TENT5B: variants seen among roughly 807,000 people sequenced by gnomAD.
TENT5B encodes family with sequence similarity 46 member B.
TENT5B carries 12 observed loss-of-function variants against 21.7 expected under a neutral mutation model. The ratio of observed to expected loss-of-function variants is 0.55; its 90% CI spans 0.36 to 0.90. The LOEUF (loss-of-function observed/expected upper bound fraction) is 0.90, where lower values mean the gene tolerates loss of function less well. TENT5B is among the 40% of genes least tolerant of loss of function. The pLI, the probability that TENT5B is intolerant of heterozygous loss-of-function variation, is 0.01. For missense variants in TENT5B, 540 were observed against 601.5 expected, an observed-to-expected ratio of 0.90 and a Z score of 1.07; for synonymous variants, 262 against 266.6, an observed-to-expected ratio of 0.98 and a Z score of 0.17.
chr1:27,006,019 G>T lies in TENT5B; in HGVS notation c.1203C>A (p.Ala401=). The T allele has an allele frequency of 6.2e-7, 1 of 1,609,532 alleles. No homozygotes were observed. The highest frequency in any genetic ancestry group is 8.5e-7 in the Non-Finnish European group (1 of 1,177,332). Residue 401 remains alanine (A), a synonymous_variant, in exon 2 of 2, where the codon GCC becomes GCA. Transcript: ENST00000289166. This position sits in a 1 kb window ranked among gnomAD's most constrained non-coding sequence, Gnocchi z 9.4. ...CGGGGGTCACGTAGTAATTGACAGT[G>T]GCTGGCACAACCCCGTCAGTGCCTG... ...RPPGTDGVVP[A]TVNYYVTPVQ...
At chr1:27,010,531 G>A (rs1557703936) in intron 1 of TENT5B, among the ~76,000 whole-genome samples, 2 of 152,106 alleles carry the variant, frequency 1.3e-5, no homozygotes, top group Admixed American at 6.5e-5. Flanking sequence ...CCAGGTGAAG[G>A]CACCTGTCCC....
chr1:27,008,229 C>T (rs193168163), intron 1 of TENT5B, among the ~76,000 whole-genome samples: 3 of 152,182 alleles, frequency 2.0e-5, no homozygotes, highest in Admixed American at 2.0e-4. Context: ...CAAAGTTGTC[C>T]TGAAAGTGAC....
chr1:27,012,681 C>T lies in TENT5B; in HGVS notation c.-11G>A. The T allele has an allele frequency of 6.9e-7, 1 of 1,455,134 alleles. No individual in the cohort carries two copies. Among genetic ancestry groups the T allele is most frequent in the Admixed American group, 3.2e-5 (1 of 31,200 alleles). The allele number at this position is 1,455,134 out of a possible 1,614,324, so 90.1% of individuals were successfully genotyped here. On this transcript the variant is annotated 5_prime_UTR_variant, in exon 1 of 2. Coordinates refer to ENST00000289166, the MANE Select transcript of TENT5B (RefSeq NM_052943.4). ...CTCCGACGGCATCATCCGCCCGGCC[C>T]CCGGGCCCCGACGGCAGAAACCGTG...
intron 1 of TENT5B, 117 bp from the exon 2 acceptor site, chr1:27,007,074 G>T: frequency 5.4e-6 from 2 of 367,836 alleles, no homozygotes; most frequent in Non-Finnish European, 3.6e-6. Flanking sequence ...CAGCTGTTAT[G>T]CCTTTGGAAA....
At position 27,012,703 on chromosome 1, in the gene TENT5B, C is replaced by G; in HGVS notation, c.-33G>C. ...GCCCCCGGGCCCCGACGGCAGAAACCGTGGGGGTGGTTAAGGGGAGGAGGA... is the reference window on the plus strand; with the variant it reads ...GCCCCCGGGCCCCGACGGCAGAAACGGTGGGGGTGGTTAAGGGGAGGAGGA... On this transcript the variant is annotated 5_prime_UTR_variant, in exon 1 of 2. Coordinates refer to ENST00000289166, the MANE Select transcript of TENT5B (RefSeq NM_052943.4). The G allele has an allele frequency of 7.0e-7, 1 of 1,427,944 alleles. No individual in the cohort carries two copies. The highest frequency in any genetic ancestry group is 9.1e-7 in the Non-Finnish European group (1 of 1,103,200). The allele number at this position is 1,427,944 out of a possible 1,614,324, so 88.5% of individuals were successfully genotyped here. A position where few individuals can be genotyped will look rare whatever the true frequency, so the allele number is the denominator to read the frequency against.
intron 1 of TENT5B, among the ~76,000 whole-genome samples, chr1:27,007,394 C>CTTT (rs978067044): frequency 7.1e-6 from 1 of 140,476 alleles, no homozygotes; most frequent in Non-Finnish European, 1.6e-5. Flanking sequence ...GAGTCCAAGT[C>CTTT]TTTTTTTTTT....
At chr1:27,010,781 C>T (rs980000740) in intron 1 of TENT5B, among the ~76,000 whole-genome samples, 8 of 152,204 alleles carry the variant, frequency 5.3e-5, no homozygotes, top group Non-Finnish European at 1.0e-4. Context: ...CATGGCACCA[C>T]CATTGCATTG....
At position 27,005,274 on chromosome 1, in the gene TENT5B, G is replaced by T. The variant is rs74958392; in HGVS notation, c.*670C>A. On this transcript the variant is annotated 3_prime_UTR_variant, in exon 2 of 2. Transcript: ENST00000289166. ...TGGCACCCTGGAAGGGGCCTGGGCT[G>T]CGACCCACCCTGGGCTGCTTGGCTC... 8,920 of 152,698 alleles carry T rather than the reference G, an allele frequency of 0.058. 270 individuals carry two copies. The highest frequency in any genetic ancestry group is 0.063 in the Non-Finnish European group (4,270 of 68,210). The allele number at this position is 152,698 out of a possible 1,614,324, so 9.5% of individuals were successfully genotyped here.
At position 27,006,411 on chromosome 1, in the gene TENT5B, G is replaced by A. The variant is rs777163251; in HGVS notation, c.811C>T (p.Pro271Ser). ...AGGCCACCACCTCGGATCTCCTCGG[G>A]ACTGCGCGTGGCGATGACACGGTGC... is the stretch of plus-strand genomic sequence containing the variant. ...LRHRVIATRS[P>S]EEIRGGGLLK... The change falls in exon 2 of 2, where the codon CCC (proline) becomes TCC (serine). Residue 271 changes from proline (P) to serine (S), a missense_variant. Physicochemically the swap from Pro to Ser is moderately conservative, Grantham distance 74. Transcript: ENST00000289166. This position sits in a 1 kb window ranked among gnomAD's most constrained non-coding sequence, Gnocchi z 9.4. The A allele has an allele frequency of 6.2e-7, 1 of 1,613,430 alleles. No homozygotes were observed. Among genetic ancestry groups the A allele is most frequent in the Non-Finnish European group, 8.5e-7 (1 of 1,179,878 alleles).
chr1:27,006,274 C>A lies in TENT5B; in HGVS notation c.948G>T (p.Leu316=), dbSNP rs1445659177. 1 of 1,612,664 alleles carries A rather than the reference C, an allele frequency of 6.2e-7. No homozygotes were observed. Among genetic ancestry groups the A allele is most frequent in the Admixed American group, 1.7e-5 (1 of 59,998 alleles). ...GCTCTAGGGTGCGCCGCTGCTCCACCAGGTCTGGAAAGTCGATGAAGAAGC... is the reference window on the plus strand; with the variant it reads ...GCTCTAGGGTGCGCCGCTGCTCCACAAGGTCTGGAAAGTCGATGAAGAAGC... ...CSRFFIDFPD[L]VEQRRTLERY... The change falls in exon 2 of 2, where the codon CTG becomes CTT. Residue 316 remains leucine, a synonymous_variant. Transcript: ENST00000289166. This position sits in a 1 kb window ranked among gnomAD's most constrained non-coding sequence, Gnocchi z 9.4.
chr1:27,005,914 C>T lies in TENT5B; in HGVS notation c.*30G>A. Reference sequence around the variant, plus strand: ...AGGCCCCACCCCACCCCGTGAGGCCCAGTCCCTTCCCTTCTGGCCAGGGTC... The same window carrying T: ...AGGCCCCACCCCACCCCGTGAGGCCTAGTCCCTTCCCTTCTGGCCAGGGTC... On this transcript the variant is annotated 3_prime_UTR_variant, in exon 2 of 2. Coordinates refer to ENST00000289166, the MANE Select transcript of TENT5B (RefSeq NM_052943.4). The T allele has an allele frequency of 6.6e-7, 1 of 1,524,472 alleles. No homozygotes were observed. The highest frequency in any genetic ancestry group is 8.8e-7 in the Non-Finnish European group (1 of 1,135,440). 94.4% of individuals were successfully genotyped at this position (1,524,472 alleles called of 1,614,324 possible). A position where few individuals can be genotyped will look rare whatever the true frequency, so the allele number is the denominator to read the frequency against.
intron 1 of TENT5B, among the ~76,000 whole-genome samples, 173 bp from the exon 2 acceptor site, chr1:27,007,130 G>T (rs1203033433): frequency 7.3e-6 from 1 of 137,194 alleles, no homozygotes; most frequent in Non-Finnish European, 1.6e-5. Flanking sequence ...GGGGGTTGGG[G>T]GGGAGTCATT....
At chr1:27,011,467 A>G (rs893781056) in intron 1 of TENT5B, among the ~76,000 whole-genome samples, 1 of 152,102 alleles carries the variant, frequency 6.6e-6, no homozygotes, top group African/African-American at 2.4e-5. Context: ...ACCTACTGTA[A>G]TCTGCTCCTG....
chr1:27,008,050 GC>G, intron 1 of TENT5B, among the ~76,000 whole-genome samples: 1 of 152,266 alleles, frequency 6.6e-6, no homozygotes, highest in African/African-American at 2.4e-5. Context: ...GGAAACTGAG[GC>G]TTACAGTGGT....
rs770524427 is a variant in TENT5B at position 27,012,550 on chromosome 1, AGGCCTCCGGGTCGG to A, written c.107_120del (p.Pro36LeufsTer78). 6.3e-7 allele frequency: 1 copy of A among 1,591,936 alleles called. No homozygotes were observed. The highest frequency in any genetic ancestry group is 8.5e-7 in the Non-Finnish European group (1 of 1,174,936). ...AGGTGCCGTCCGGGGAAGGCCGATA[AGGCCTCCGGGTCGG>A]GGCCGCCGCCTGCCGGGGCTGCCGT... On this transcript the variant is annotated frameshift_variant, in exon 1 of 2. Transcript: ENST00000289166. LOFTEE classifies it high-confidence loss of function.
At position 27,006,572 on chromosome 1, in the gene TENT5B, T is replaced by C. The variant is rs764969070; in HGVS notation, c.650A>G (p.Asp217Gly). Residue 217 changes from aspartate (D) to glycine (G), a missense_variant, in exon 2 of 2, where the codon GAC becomes GGC. Physicochemically the swap from Asp to Gly is moderately conservative, Grantham distance 94. Coordinates refer to ENST00000289166, the MANE Select transcript of TENT5B (RefSeq NM_052943.4). This position sits in a 1 kb window ranked among gnomAD's most constrained non-coding sequence, Gnocchi z 9.4. ...GGAGTCCAGGATGATCTGGAAGGAG[T>C]CTATGCTGAATTCAAACTGGCGTCT... ...SVRRQFEFSI[D>G]SFQIILDSLL... is the part of the protein sequence containing the mutation. The C allele has an allele frequency of 9.9e-6, 16 of 1,613,056 alleles. No homozygotes were observed. The Admixed American group carries it at 2.2e-4, about 22-fold the overall frequency.
intron 1 of TENT5B, 40 bp downstream of exon 1, chr1:27,012,367 G>T: frequency 6.3e-7 from 1 of 1,594,788 alleles, no homozygotes; most frequent in Non-Finnish European, 8.5e-7. Flanking sequence ...GAGAGCCTCA[G>T]AAGGGATTCC....
chr1:27,005,603 T>C lies in TENT5B; in HGVS notation c.*341A>G. 3.4e-6 allele frequency: 1 copy of C among 296,466 alleles called. No individual in the cohort carries two copies. Among genetic ancestry groups the C allele is most frequent in the Non-Finnish European group, 6.3e-6 (1 of 158,938 alleles). 18.4% of individuals were successfully genotyped at this position (296,466 alleles called of 1,614,324 possible). A position where few individuals can be genotyped will look rare whatever the true frequency, so the allele number is the denominator to read the frequency against. On this transcript the variant is annotated 3_prime_UTR_variant, in exon 2 of 2. Coordinates refer to ENST00000289166, the MANE Select transcript of TENT5B (RefSeq NM_052943.4). Reference sequence around the variant, plus strand: ...AAAAGACCCTCTTAGACCATGGGAATCAATCCAAGGTGCTGGGCATTAAGG... The same window carrying C: ...AAAAGACCCTCTTAGACCATGGGAACCAATCCAAGGTGCTGGGCATTAAGG...
At position 27,006,040 on chromosome 1, in the gene TENT5B, G is replaced by T. The variant is rs200608271; in HGVS notation, c.1182C>A (p.Gly394=). The change falls in exon 2 of 2, where the codon GGC becomes GGA. Residue 394 remains glycine, a synonymous_variant. Transcript: ENST00000289166. The surrounding 1 kb of genome is among the most constrained non-coding windows in gnomAD (Gnocchi z 9.4). The stretch of plus-strand genomic sequence containing the variant: ...CAGTGGCTGGCACAACCCCGTCAGT[G>T]CCTGGAGGGCGCCAGGCCAGGGCGG... ...ATAALAWRPP[G]TDGVVPATVN... The T allele has an allele frequency of 4.2e-5, 67 of 1,611,418 alleles. No homozygotes were observed. The highest frequency in any genetic ancestry group is 5.3e-5 in the Non-Finnish European group (62 of 1,178,798).
Sources: allele counts gnomAD v4.1 joint callset (sites outside exome capture counted in the v4.1 genomes callset), GRCh38; gene constraint gnomAD v4.1.1; non-coding constraint Gnocchi (gnomAD v3.1); transcripts MANE v1.5; gene names NCBI Gene and HGNC (gene_info 2026-07-23, HGNC 2026-07-21).